The following RUNX2 variants were observed in gnomAD, a reference collection of about 807,000 sequenced individuals.
The protein encoded by RUNX2 is runt-related transcription factor 2.
In RUNX2, 10 loss-of-function variants were observed where a neutral mutation model predicts 51.7. The ratio of observed to expected loss-of-function variants is 0.19; its 90% CI spans 0.12 to 0.33. The LOEUF (loss-of-function observed/expected upper bound fraction) is 0.33, where lower values mean the gene tolerates loss of function less well. Ranked by LOEUF, RUNX2 falls within the 10% of genes least tolerant of loss-of-function variation. The probability of loss-of-function intolerance (pLI) is 1.00; values close to 1 mark genes in which losing one functional copy is unlikely to be tolerated. For synonymous variants in RUNX2, 276 were observed against 273.6 expected (o/e 1.01, Z -0.09); for missense variants, 562 against 691.3 (o/e 0.81, Z 2.10).
intron 2 of RUNX2, among the ~76,000 whole-genome samples, chr6:45,374,727 G>A (rs1336765108): frequency 6.6e-6 from 1 of 152,056 alleles, no homozygotes; most frequent in Non-Finnish European, 1.5e-5. Context: ...AGACTACCAT[G>A]CAGTCACCCC....
intron 5 of RUNX2, among the ~76,000 whole-genome samples, chr6:45,454,463 T>G (rs1381312569): frequency 6.6e-6 from 1 of 152,222 alleles, no homozygotes; most frequent in Non-Finnish European, 1.5e-5. Flanking sequence ...TTATTACCAC[T>G]TTTGCTAAAT....
At chr6:45,497,841 G>A (rs1800691014) in intron 6 of RUNX2, among the ~76,000 whole-genome samples, 1 of 152,110 alleles carries the variant, frequency 6.6e-6, no homozygotes, top group South Asian at 2.1e-4. Context: ...TGAATAAATG[G>A]GGTCACTGAC....
chr6:45,417,488 A>G (rs1176554648), intron 2 of RUNX2, among the ~76,000 whole-genome samples: 8 of 152,268 alleles, frequency 5.3e-5, no homozygotes, highest in Non-Finnish European at 8.8e-5. Flanking sequence ...GCAGAAAAGA[A>G]TAAGTTAAAT....
chr6:45,334,597 G>A (rs1455968864), intron 2 of RUNX2, among the ~76,000 whole-genome samples: 1 of 150,554 alleles, frequency 6.6e-6, no homozygotes, highest in Non-Finnish European at 1.5e-5. Flanking sequence ...ACATGAACAC[G>A]ATGTATTTTT....
chr6:45,444,799 A>G lies in RUNX2; in HGVS notation c.685+6748A>G, dbSNP rs1363698817. Among the ~76,000 whole-genome samples the G allele has an allele frequency of 3.3e-5, 5 of 152,108 alleles. No homozygotes were observed. In the East Asian group the frequency reaches 9.7e-4, roughly 29 times the overall value. Reference sequence around the variant, plus strand: ...GGTGGTGTAGGCAAGACATCATCTCATTTTTCTCTTACGCTGTTCCACCTA... The same window carrying G: ...GGTGGTGTAGGCAAGACATCATCTCGTTTTTCTCTTACGCTGTTCCACCTA... On this transcript the variant is annotated intron_variant, in intron 5 of 8. Transcript: ENST00000647337.
intron 2 of RUNX2, among the ~76,000 whole-genome samples, chr6:45,366,138 T>C (rs77827430): frequency 3.9e-5 from 6 of 152,332 alleles, no homozygotes; most frequent in African/African-American, 1.4e-4. Flanking sequence ...TTTCATATGC[T>C]TGCATAAACT....
At chr6:45,536,661 G>A (rs573510908) in intron 7 of RUNX2, among the ~76,000 whole-genome samples, 5 of 152,252 alleles carry the variant, frequency 3.3e-5, no homozygotes, top group Non-Finnish European at 5.9e-5. Flanking sequence ...CCTTTTCCCC[G>A]GCATCTCTCC....
At chr6:45,417,602 T>A (rs1798091615) in intron 2 of RUNX2, among the ~76,000 whole-genome samples, 1 of 152,196 alleles carries the variant, frequency 6.6e-6, no homozygotes, top group Admixed American at 6.5e-5. Context: ...TCCTCCATGG[T>A]CTTGCATCCC....
At chr6:45,470,693 T>C (rs1799774160) in intron 5 of RUNX2, among the ~76,000 whole-genome samples, 1 of 152,200 alleles carries the variant, frequency 6.6e-6, no homozygotes, top group Admixed American at 6.5e-5. Flanking sequence ...CTATGAGGTT[T>C]TCCCTTGGGA....
chr6:45,407,825 T>G (rs975392905), intron 2 of RUNX2, among the ~76,000 whole-genome samples: 3 of 152,144 alleles, frequency 2.0e-5, no homozygotes, highest in African/African-American at 7.2e-5. Context: ...ATGGTGTATT[T>G]TTTTTTTGCT....
At chr6:45,465,584 A>G (rs966763336) in intron 5 of RUNX2, among the ~76,000 whole-genome samples, 3 of 151,536 alleles carry the variant, frequency 2.0e-5, no homozygotes, top group Non-Finnish European at 2.9e-5. Flanking sequence ...TCTGGTCTGT[A>G]TCTGTAGGAA....
chr6:45,348,078 T>C (rs1030201658), intron 2 of RUNX2, among the ~76,000 whole-genome samples: 2 of 152,184 alleles, frequency 1.3e-5, no homozygotes, highest in African/African-American at 4.8e-5. Context: ...AATGGCCTGC[T>C]TATGTCTAGC....
At chr6:45,486,224 G>T (rs1800279281) in intron 5 of RUNX2, among the ~76,000 whole-genome samples, 1 of 152,082 alleles carries the variant, frequency 6.6e-6, no homozygotes, top group African/African-American at 2.4e-5. Context: ...GCATTTTAGT[G>T]ATTGCCCTCA....
At chr6:45,456,695 G>A (rs1296499372) in intron 5 of RUNX2, among the ~76,000 whole-genome samples, 1 of 152,150 alleles carries the variant, frequency 6.6e-6, no homozygotes, top group African/African-American at 2.4e-5. Context: ...AGTGGCTTAT[G>A]TATACCTTAG....
intron 5 of RUNX2, among the ~76,000 whole-genome samples, chr6:45,447,936 T>A (rs1242204366): frequency 6.6e-6 from 1 of 151,362 alleles, no homozygotes; most frequent in East Asian, 2.0e-4. Flanking sequence ...TGAAAGCCTG[T>A]CTGCTTTGAG....
chr6:45,384,283 T>C, intron 2 of RUNX2, among the ~76,000 whole-genome samples: 1 of 151,984 alleles, frequency 6.6e-6, no homozygotes, highest in East Asian at 1.9e-4. Flanking sequence ...TTTTTGTTTG[T>C]TTGTTTGTTT....
intron 7 of RUNX2, among the ~76,000 whole-genome samples, chr6:45,531,404 T>C (rs1801836276): frequency 6.6e-6 from 1 of 152,194 alleles, no homozygotes; most frequent in Admixed American, 6.5e-5. Context: ...CCTCCCAATT[T>C]TGTAAACATA....
At chr6:45,503,455 T>G (rs1800858478) in intron 6 of RUNX2, among the ~76,000 whole-genome samples, 1 of 152,220 alleles carries the variant, frequency 6.6e-6, no homozygotes, top group South Asian at 2.1e-4. Context: ...ATACCCCGAC[T>G]GCCCATATCT....
chr6:45,353,282 G>C (rs1002306651), intron 2 of RUNX2, among the ~76,000 whole-genome samples: 1 of 152,006 alleles, frequency 6.6e-6, no homozygotes, highest in Non-Finnish European at 1.5e-5. Flanking sequence ...TTTGGAACTT[G>C]ATAAAATGAT....
Sources: allele counts gnomAD v4.1 joint callset (sites outside exome capture counted in the v4.1 genomes callset), GRCh38; gene constraint gnomAD v4.1.1; transcripts MANE v1.5; gene names NCBI Gene and HGNC (gene_info 2026-07-23, HGNC 2026-07-21).